DNAH10: variants seen among roughly 807,000 people sequenced by gnomAD.
DNAH10 encodes the protein dynein axonemal heavy chain 10.
Under a neutral mutation model 506.6 loss-of-function variants are expected in DNAH10, and 348 were observed. The ratio of observed to expected loss-of-function variants is 0.69; its 90% CI spans 0.63 to 0.75. DNAH10 has a LOEUF of 0.75. Ranked by LOEUF, DNAH10 falls within the 30% of genes least tolerant of loss-of-function variation. The pLI, the probability that DNAH10 is intolerant of heterozygous loss-of-function variation, is 0.00. For synonymous variants in DNAH10, 2,059 were observed against 2,198.6 expected (o/e 0.94, Z 1.78); for missense variants, 5,179 against 5,787.1 (o/e 0.89, Z 3.41).
At chr12:123,929,817 C>T (rs773730167) in intron 72 of DNAH10, 58 bp downstream of exon 72, 109 of 1,500,582 alleles carry the variant, frequency 7.3e-5, no homozygotes, top group Admixed American at 1.1e-4. Flanking sequence ...GCTGTGGCCT[C>T]GTGCCCCTAT....
At position 123,785,866 on chromosome 12, in the gene DNAH10, C is replaced by T; in HGVS notation, c.1351C>T (p.Leu451Phe). The stretch of plus-strand genomic sequence containing the variant: ...CAACAAAGACGAGAGGATGATTCCG[C>T]TCATGGAGCGCATCGCCTGGGAAAT... ...HYNKDERMIPLMERIAWEIAE... is the reference protein window; with the variant it reads ...HYNKDERMIPFMERIAWEIAE... The change falls in exon 9 of 79, where the codon CTC (leucine) becomes TTC (phenylalanine). Residue 451 changes from leucine (L) to phenylalanine (F), a missense_variant. Transcript: ENST00000673944. This position sits in a 1 kb window ranked among gnomAD's most constrained non-coding sequence, Gnocchi z 4.1. 1 of 1,614,160 alleles carries T rather than the reference C, an allele frequency of 6.2e-7. No individual in the cohort carries two copies.
intron 29 of DNAH10, among the ~76,000 whole-genome samples, chr12:123,840,082 A>G (rs1413120228): frequency 2.8e-4 from 42 of 151,904 alleles, no homozygotes; most frequent in Admixed American, 2.8e-3. Flanking sequence ...TGTCCTGTGC[A>G]TTACAGGACA....
At position 123,819,198 on chromosome 12, in the gene DNAH10, A is replaced by G. The variant is rs777572204; in HGVS notation, c.3948A>G (p.Ala1316=). ...MNYRVQIEEF[A]KRFYSEGPGS... ...ACAGAGTTCAGATAGAGGAGTTTGC[A>G]AAGCGTTTTTACAGTGAAGGCCCTG... The change falls in exon 23 of 79, where the codon GCA becomes GCG. Residue 1316 remains alanine (A), a synonymous_variant. Transcript: ENST00000673944. The G allele has an allele frequency of 1.9e-6, 3 of 1,613,656 alleles. No individual in the cohort carries two copies. The East Asian group carries it at 6.7e-5, about 36-fold the overall frequency.
chr12:123,803,765 T>A lies in DNAH10; in HGVS notation c.2719T>A (p.Leu907Ile). 1 of 1,611,762 alleles carries A rather than the reference T, an allele frequency of 6.2e-7. No individual in the cohort carries two copies. Among genetic ancestry groups the A allele is most frequent in the Non-Finnish European group, 8.5e-7 (1 of 1,179,576 alleles). The change falls in exon 17 of 79, where the codon TTA becomes ATA. Residue 907 changes from leucine to isoleucine, a missense_variant. Around this residue, in one of 3 missense-constraint regions of DNAH10, gnomAD observed 4,844 missense variants for 5,430.5 expected, o/e 0.89. Coordinates refer to ENST00000673944, the MANE Select transcript of DNAH10 (RefSeq NM_001372106.1). ...AGATGACATTTCTTCCAGGCTGACA[T>A]TAATAGAGGCCATAAATCTCTTTAA... ...NADDISSRLT[L>I]IEAINLFKYP...
chr12:123,839,662 ATTTTTTTT>A (rs34822711), intron 29 of DNAH10, among the ~76,000 whole-genome samples: 1 of 114,822 alleles, frequency 8.7e-6, no homozygotes, highest in Non-Finnish European at 1.7e-5. Flanking sequence ...TTTCTTTTCT[ATTTTTTTT>A]TTTTTTTTTT....
intron 45 of DNAH10, among the ~76,000 whole-genome samples, chr12:123,872,325 C>T (rs1322339518): frequency 6.6e-6 from 1 of 152,002 alleles, no homozygotes; most frequent in African/African-American, 2.4e-5. Context: ...GGGGGATAAA[C>T]ATGGAGATGT....
intron 32 of DNAH10, among the ~76,000 whole-genome samples, chr12:123,847,163 C>G (rs1444946179): frequency 6.6e-6 from 1 of 151,126 alleles, no homozygotes; most frequent in Non-Finnish European, 1.5e-5. Flanking sequence ...TCCATCCATC[C>G]ATCCATCCAT....
Position 123,918,525 on chromosome 12 carries a change from A to G in DNAH10, c.11233-151A>G, listed in dbSNP as rs561406081. 1.2e-5 allele frequency: 11 copies of G among 880,046 alleles called. No individual in the cohort carries two copies. In the East Asian group the frequency reaches 1.4e-4, roughly 11 times the overall value. The allele number at this position is 880,046 out of a possible 1,614,324, so 54.5% of individuals were successfully genotyped here. ...CCACAAATATTCACCCCTTCCTACAAGAGGGTGGGTGCCCTCGCTCCCCTG... is the reference window on the plus strand; with the variant it reads ...CCACAAATATTCACCCCTTCCTACAGGAGGGTGGGTGCCCTCGCTCCCCTG... On this transcript the variant is annotated intron_variant, in intron 64 of 78. Transcript: ENST00000673944.
chr12:123,929,679 C>T lies in DNAH10; in HGVS notation c.12532C>T (p.Leu4178=). The part of the protein sequence containing the change: ...ESDFQVCMEI[L]NTYLTKAFQQ... ...TTCTTTCAAGGTCTGCATGGAAATT[C>T]TGAACACGTACTTAACGAAAGCCTT... Residue 4178 remains leucine (L), a synonymous_variant, in exon 72 of 79, where the codon CTG becomes TTG. Coordinates refer to ENST00000673944, the MANE Select transcript of DNAH10 (RefSeq NM_001372106.1). 23 of 1,613,402 alleles carry T rather than the reference C, an allele frequency of 1.4e-5. No individual in the cohort carries two copies. Among genetic ancestry groups the T allele is most frequent in the Non-Finnish European group, 1.9e-5 (23 of 1,179,640 alleles).
chr12:123,820,878 G>A (rs778530371), intron 24 of DNAH10, 120 bp downstream of exon 24: 35 of 1,127,150 alleles, frequency 3.1e-5, no homozygotes, highest in Non-Finnish European at 4.2e-5. Flanking sequence ...TTGTGGAAAC[G>A]CTCATTTTGG....
chr12:123,777,112 C>T (rs1249058843), intron 5 of DNAH10, among the ~76,000 whole-genome samples: 2 of 152,106 alleles, frequency 1.3e-5, no homozygotes, highest in South Asian at 2.1e-4. Context: ...CTTGGACTAT[C>T]GCAGGAGCCT....
At chr12:123,865,713 G>A (rs1280231688) in intron 40 of DNAH10, among the ~76,000 whole-genome samples, 5 of 151,888 alleles carry the variant, frequency 3.3e-5, no homozygotes, top group Non-Finnish European at 5.9e-5. Flanking sequence ...ATTCTACAAC[G>A]TATTAATTTT....
Position 123,830,584 on chromosome 12 carries a change from T to A in DNAH10, c.4430T>A (p.Phe1477Tyr). The A allele has an allele frequency of 6.2e-7, 1 of 1,613,842 alleles. No individual in the cohort carries two copies. Among genetic ancestry groups the A allele is most frequent in the South Asian group, 1.1e-5 (1 of 91,024 alleles). Reference sequence around the variant, plus strand: ...CTTATGGAAAAAACGTCTGTCTTTTTTGAAATGACCGAAACGTTCACCTTG... The same window carrying A: ...CTTATGGAAAAAACGTCTGTCTTTTATGAAATGACCGAAACGTTCACCTTG... ...KELMEKTSVFFEMTETFTLEN... is the reference protein window; with the variant it reads ...KELMEKTSVFYEMTETFTLEN... Residue 1477 changes from phenylalanine to tyrosine, a missense_variant, in exon 26 of 79, where the codon TTT (phenylalanine) becomes TAT (tyrosine). Physicochemically the swap from Phe to Tyr is conservative, Grantham distance 22. Coordinates refer to ENST00000673944, the MANE Select transcript of DNAH10 (RefSeq NM_001372106.1).
At chr12:123,887,944 C>T (rs1330416100) in intron 52 of DNAH10, among the ~76,000 whole-genome samples, 1 of 152,116 alleles carries the variant, frequency 6.6e-6, no homozygotes, top group Non-Finnish European at 1.5e-5. Flanking sequence ...CGGGGTTTCA[C>T]CGTGTTAGCC....
At chr12:123,858,702 A>G (rs1477041115) in intron 37 of DNAH10, among the ~76,000 whole-genome samples, 1 of 152,188 alleles carries the variant, frequency 6.6e-6, no homozygotes, top group Non-Finnish European at 1.5e-5. Flanking sequence ...TGATGGATCC[A>G]CTGCTGAAAC....
chr12:123,794,451 A>G (rs115101097), intron 12 of DNAH10, among the ~76,000 whole-genome samples: 1,587 of 152,328 alleles, frequency 0.01, 27 homozygotes, highest in African/African-American at 0.036. Flanking sequence ...TGGTGCTCAC[A>G]TATCTCAAGT....
In DNAH10 at chr12:123,870,401, A is replaced by G. The variant is rs2136958564; in HGVS notation, c.7555A>G (p.Asn2519Asp). 6.2e-7 allele frequency: 1 copy of G among 1,613,946 alleles called. No individual in the cohort carries two copies. Among genetic ancestry groups the G allele is most frequent in the Non-Finnish European group, 8.5e-7 (1 of 1,179,872 alleles). ...AACCTTGTATGACTTTCATTTTGAT[A>G]ACAAACGGAATCAATGGGTCCCATG... Reference protein sequence around the residue: ...LPTLYDFHFDNKRNQWVPWSK... With the variant: ...LPTLYDFHFDDKRNQWVPWSK... The change falls in exon 44 of 79, where the codon AAC (asparagine) becomes GAC (aspartate). Residue 2519 changes from asparagine to aspartate, a missense_variant. Around this residue, in one of 3 missense-constraint regions of DNAH10, gnomAD observed 4,844 missense variants for 5,430.5 expected, o/e 0.89. Transcript: ENST00000673944.
chr12:123,831,904 CAAA>C (rs1160149296), intron 26 of DNAH10, among the ~76,000 whole-genome samples: 5 of 76,392 alleles, frequency 6.5e-5, no homozygotes, highest in Non-Finnish European at 5.4e-5. Flanking sequence ...GACTCTGTCT[CAAA>C]AAAAAAAAAA....
At position 123,785,864 on chromosome 12, in the gene DNAH10, C is replaced by G; in HGVS notation, c.1349C>G (p.Pro450Arg). The G allele has an allele frequency of 6.2e-7, 1 of 1,614,148 alleles. No individual in the cohort carries two copies. The highest frequency in any genetic ancestry group is 8.5e-7 in the Non-Finnish European group (1 of 1,180,020). ...RHYNKDERMI[P>R]LMERIAWEIA... ...TACAACAAAGACGAGAGGATGATTCCGCTCATGGAGCGCATCGCCTGGGAA... is the reference window on the plus strand; with the variant it reads ...TACAACAAAGACGAGAGGATGATTCGGCTCATGGAGCGCATCGCCTGGGAA... Residue 450 changes from proline to arginine, a missense_variant, in exon 9 of 79, where the codon CCG becomes CGG. Around this residue, in one of 3 missense-constraint regions of DNAH10, gnomAD observed 4,844 missense variants for 5,430.5 expected, o/e 0.89. Coordinates refer to ENST00000673944, the MANE Select transcript of DNAH10 (RefSeq NM_001372106.1). This position sits in a 1 kb window ranked among gnomAD's most constrained non-coding sequence, Gnocchi z 4.1.
Sources: allele counts gnomAD v4.1 joint callset (sites outside exome capture counted in the v4.1 genomes callset), GRCh38; gene constraint gnomAD v4.1.1; regional missense constraint gnomAD v4.1.1; non-coding constraint Gnocchi (gnomAD v3.1); transcripts MANE v1.5; gene names NCBI Gene and HGNC (gene_info 2026-07-23, HGNC 2026-07-21).